The following RAD17 variants were observed in gnomAD, a reference collection of about 807,000 sequenced individuals.
The protein encoded by RAD17 is RAD17 checkpoint clamp loader component.
In RAD17, 31 loss-of-function variants were observed where a neutral mutation model predicts 81.5. The ratio of observed to expected loss-of-function variants is 0.38; its 90% CI spans 0.29 to 0.51. The LOEUF (loss-of-function observed/expected upper bound fraction) is 0.51, where lower values mean the gene tolerates loss of function less well. Among genes scored for constraint, RAD17 ranks in the 20% least tolerant of loss-of-function variants. The pLI is 0.88. For synonymous variants in RAD17, 261 were observed against 266.2 expected, an observed-to-expected ratio of 0.98 and a Z score of 0.19; for missense variants, 681 against 781.2, an observed-to-expected ratio of 0.87 and a Z score of 1.53.
intron 11 of RAD17, among the ~76,000 whole-genome samples, chr5:69,387,495 G>T (rs904546393): frequency 3.9e-5 from 6 of 152,118 alleles, no homozygotes; most frequent in African/African-American, 1.4e-4. Context: ...TGAAAAATGA[G>T]AAACAAACTG....
rs1763602225 is a variant in RAD17, at chr5:69,377,711, TGG to T, written c.351+3002_351+3003del. Among the ~76,000 whole-genome samples the T allele has an allele frequency of 1.5e-4, 6 of 41,130 alleles. 1 individual carries two copies. The highest frequency in any genetic ancestry group is 3.1e-4 in the Admixed American group (1 of 3,218). 27.0% of individuals were successfully genotyped at this position (41,130 alleles called of 152,430 possible). On this transcript the variant is annotated intron_variant, in intron 6 of 18. Coordinates refer to ENST00000354868, the MANE Select transcript of RAD17 (RefSeq NM_133338.3). ...TATATGTATACATATATATATGTATTGGGAAAAGTATTTTCTTTATGGTTTCA... is the reference window on the plus strand; with the variant it reads ...TATATGTATACATATATATATGTATTGAAAAGTATTTTCTTTATGGTTTCA...
chr5:69,400,076 G>A lies in RAD17; in HGVS notation c.1600G>A (p.Ala534Thr), dbSNP rs77367576. The change falls in exon 17 of 19, where the codon GCA becomes ACA. Residue 534 changes from alanine (A) to threonine (T), a missense_variant. Coordinates refer to ENST00000354868, the MANE Select transcript of RAD17 (RefSeq NM_133338.3). ...TCGGGAAAATTGCCTGGCAGCAAAA[G>A]CACTTTTTCCTGACTTCTGCCTACC... ...KYRENCLAAK[A>T]LFPDFCLPAL... The A allele has an allele frequency of 3.1e-6, 5 of 1,599,712 alleles. No individual in the cohort carries two copies. In the East Asian group the frequency reaches 9.0e-5, roughly 29 times the overall value.
chr5:69,398,771 A>G lies in RAD17; in HGVS notation c.1573-1278A>G, dbSNP rs182597114. Among the ~76,000 whole-genome samples, 732 of 150,584 alleles carry G rather than the reference A, an allele frequency of 4.9e-3. 5 individuals are homozygous for G. The highest frequency in any genetic ancestry group is 8.1e-3 in the Non-Finnish European group (548 of 67,822). ...CAGTGAGCCGAGATCATGCCACTGC[A>G]CTCCAGCCTAGGCGACAGAAAAAGA... On this transcript the variant is annotated intron_variant, in intron 16 of 18. Coordinates refer to ENST00000354868, the MANE Select transcript of RAD17 (RefSeq NM_133338.3).
rs17230236 is a variant in RAD17, at chr5:69,414,622, T to G, written c.*330T>G. 6.4e-5 allele frequency: 23 copies of G among 357,270 alleles called. No homozygotes were observed. Among genetic ancestry groups the G allele is most frequent in the Non-Finnish European group, 1.0e-4 (20 of 195,574 alleles). The allele number at this position is 357,270 out of a possible 1,614,324, so 22.1% of individuals were successfully genotyped here. On this transcript the variant is annotated 3_prime_UTR_variant, in exon 19 of 19. Coordinates refer to ENST00000354868, the MANE Select transcript of RAD17 (RefSeq NM_133338.3). ...GGATGCAAAAACGTTATTGGGGGGT[T>G]GTAAATATCAACTATTCAACAGTTT...
chr5:69,385,548 C>A (rs1764160636), intron 8 of RAD17, among the ~76,000 whole-genome samples: 1 of 152,104 alleles, frequency 6.6e-6, no homozygotes, highest in South Asian at 2.1e-4. Flanking sequence ...TGGGATTACA[C>A]ATGTGAGCCA....
At chr5:69,379,985 A>T (rs991168542) in intron 6 of RAD17, among the ~76,000 whole-genome samples, 1 of 150,888 alleles carries the variant, frequency 6.6e-6, no homozygotes, top group Non-Finnish European at 1.5e-5. Context: ...GGTTCAAGCG[A>T]TTTTCTTGCC....
In RAD17 at chr5:69,399,009, T is replaced by TA. The variant is rs989985894; in HGVS notation, c.1573-1029dup. Among the ~76,000 whole-genome samples, 420 of 143,858 alleles carry TA rather than the reference T, an allele frequency of 2.9e-3. 1 individual carries two copies. The highest frequency in any genetic ancestry group is 6.9e-3 in the African/African-American group (267 of 38,970). The allele number at this position is 143,858 out of a possible 152,430, so 94.4% of individuals were successfully genotyped here. Reference sequence around the variant, plus strand: ...GCAATATGGTGAAACCCCATCTGTATAAAAAAAAAAATAATAAAAAAATTA... The same window carrying TA: ...GCAATATGGTGAAACCCCATCTGTATAAAAAAAAAAAATAATAAAAAAATTA... On this transcript the variant is annotated intron_variant, in intron 16 of 18. Coordinates refer to ENST00000354868, the MANE Select transcript of RAD17 (RefSeq NM_133338.3).
chr5:69,410,965 CTATA>C (rs1554044686), intron 18 of RAD17, among the ~76,000 whole-genome samples: 14 of 90,250 alleles, frequency 1.6e-4, no homozygotes, highest in Admixed American at 3.6e-4. Context: ...AGATGTCTGT[CTATA>C]TATATATATA....
At chr5:69,393,120 G>GTA (rs1416690477) in intron 13 of RAD17, 35 bp from the exon 14 acceptor site, 1 of 1,390,554 alleles carries the variant, frequency 7.2e-7, no homozygotes, top group African/African-American at 1.4e-5. Flanking sequence ...TATAAAGAAG[G>GTA]TATTATCTTT....
intron 16 of RAD17, among the ~76,000 whole-genome samples, chr5:69,398,881 A>AAG (rs1765071295): frequency 6.7e-6 from 1 of 149,710 alleles, no homozygotes; most frequent in African/African-American, 2.4e-5. Flanking sequence ...AAAAAAAAAA[A>AAG]AAAAAAAGAG....
intron 12 of RAD17, among the ~76,000 whole-genome samples, chr5:69,391,145 G>A (rs1159332511): frequency 2.7e-5 from 4 of 149,364 alleles, no homozygotes; most frequent in Non-Finnish European, 4.4e-5. Context: ...CAGGAGAATC[G>A]CTTGAACCCA....
intron 8 of RAD17, 116 bp from the exon 9 acceptor site, chr5:69,385,927 T>C: frequency 9.7e-7 from 1 of 1,031,810 alleles, no homozygotes; most frequent in South Asian, 3.3e-5. Flanking sequence ...CTGTGAAAGT[T>C]CTGTTTAAAA....
At chr5:69,405,894 T>A (rs111922810) in intron 17 of RAD17, among the ~76,000 whole-genome samples, 48 of 151,980 alleles carry the variant, frequency 3.2e-4, no homozygotes, top group African/African-American at 1.1e-3. Context: ...TATAAAAAAT[T>A]AGCCAGATGT....
intron 11 of RAD17, among the ~76,000 whole-genome samples, chr5:69,388,335 A>G (rs926138997): frequency 2.6e-5 from 4 of 152,228 alleles, no homozygotes; most frequent in African/African-American, 9.6e-5. Context: ...TGTAAATTTC[A>G]TAAATTAGTT....
rs369055005 is a variant in RAD17, at chr5:69,381,905, G to A, written c.356G>A (p.Gly119Glu). The A allele has an allele frequency of 1.3e-6, 2 of 1,586,004 alleles. No individual in the cohort carries two copies. Among genetic ancestry groups the A allele is most frequent in the African/African-American group, 2.7e-5 (2 of 73,504 alleles). The change falls in exon 7 of 19, where the codon GGA (glycine) becomes GAA (glutamate). Residue 119 changes from glycine to glutamate, a missense_variant. Physicochemically the swap from Gly to Glu is moderately conservative, Grantham distance 98. Coordinates refer to ENST00000354868, the MANE Select transcript of RAD17 (RefSeq NM_133338.3). ...CATATTTGTATTTGATTTTAGGGTGGATCTATTTTATTAATAACAGGTCCT... is the reference window on the plus strand; with the variant it reads ...CATATTTGTATTTGATTTTAGGGTGAATCTATTTTATTAATAACAGGTCCT... ...QVLERQPKQG[G>E]SILLITGPPG...
At chr5:69,404,168 A>G (rs1765443413) in intron 17 of RAD17, among the ~76,000 whole-genome samples, 1 of 152,174 alleles carries the variant, frequency 6.6e-6, no homozygotes, top group African/African-American at 2.4e-5. Context: ...AGATTCTGGG[A>G]TCACATCTCT....
At chr5:69,370,991 A>C (rs1040281366) in intron 1 of RAD17, 44 bp from the exon 2 acceptor site, 2 of 219,118 alleles carry the variant, frequency 9.1e-6, no homozygotes, top group African/African-American at 4.7e-5. Context: ...GTTCAAATGA[A>C]GACAAAAATT....
Position 69,410,531 on chromosome 5 carries a change from C to G in RAD17, c.1732C>G (p.Leu578Val). 2 of 1,613,460 alleles carry G rather than the reference C, an allele frequency of 1.2e-6. No individual in the cohort carries two copies. The highest frequency in any genetic ancestry group is 1.7e-6 in the Non-Finnish European group (2 of 1,179,592). ...TATCCAAGATATTGGAAGGCTCCCTCTGAAGCGACACTTTGGAAGGTAAGC... is the reference window on the plus strand; with the variant it reads ...TATCCAAGATATTGGAAGGCTCCCTGTGAAGCGACACTTTGGAAGGTAAGC... ...SFIQDIGRLPLKRHFGRLKME... is the reference protein window; with the variant it reads ...SFIQDIGRLPVKRHFGRLKME... The change falls in exon 18 of 19, where the codon CTG (leucine) becomes GTG (valine). Residue 578 changes from leucine to valine, a missense_variant. Physicochemically the swap from Leu to Val is conservative, Grantham distance 32. Transcript: ENST00000354868.
chr5:69,373,709 T>TAGTTTTAAAGGTTATAAA, intron 4 of RAD17, 121 bp from the exon 5 acceptor site: 1 of 536,246 alleles, frequency 1.9e-6, no homozygotes, highest in Non-Finnish European at 2.7e-6. Context: ...TTTTTTTTTT[T>TAGTTTTAAAGGTTATAAA]TTTTTTTAAG....
Sources: gnomAD v4.1 joint callset for allele counts (sites outside exome capture counted in the v4.1 genomes callset) on GRCh38, gnomAD v4.1.1 for gene constraint, MANE v1.5 for transcripts, NCBI Gene and HGNC (gene_info 2026-07-23, HGNC 2026-07-21) for gene names.